Variants in USP9X observed in about 807,000 individuals in gnomAD.
USP9X encodes ubiquitin specific peptidase 9 X-linked.
Under a neutral mutation model 190.3 loss-of-function variants are expected in USP9X, and 7 were observed. The observed-to-expected ratio is 0.04, with a 90% CI of 0.02 to 0.07. USP9X has a LOEUF of 0.07. Among genes scored for constraint, USP9X ranks in the 10% least tolerant of loss-of-function variants. USP9X has a pLI of 1.00. For synonymous variants in USP9X, 645 were observed against 659.5 expected, an observed-to-expected ratio of 0.98 and a Z score of 0.34; for missense variants, 1,010 against 1,916.9, an observed-to-expected ratio of 0.53 and a Z score of 8.83.
chrX:41,130,833 C>G (rs1010610818), intron 3 of USP9X, among the ~76,000 whole-genome samples: 6 of 110,766 alleles, frequency 5.4e-5, no homozygotes, highest in Admixed American at 1.9e-4. Flanking sequence ...TCAAGCGATT[C>G]TCCTGCCTCA....
chrX:41,128,548 C>A (rs1329748678), intron 2 of USP9X, among the ~76,000 whole-genome samples: 1 of 111,969 alleles, frequency 8.9e-6, no homozygotes, highest in African/African-American at 3.2e-5. Flanking sequence ...TAAAAATTTA[C>A]AATGCAGTTG....
chrX:41,117,125 C>T (rs1275349462), intron 1 of USP9X, among the ~76,000 whole-genome samples: 2 of 111,207 alleles, frequency 1.8e-5, no homozygotes, highest in Non-Finnish European at 3.8e-5. Flanking sequence ...GCTAGAAAGG[C>T]GAGACTATAT....
At chrX:41,160,164 C>G (rs17322414) in intron 14 of USP9X, among the ~76,000 whole-genome samples, 15,512 of 109,233 alleles carry the variant, frequency 0.14, 975 homozygotes, top group East Asian at 0.21. Flanking sequence ...GTAATTTAGT[C>G]TCATCTAATT....
intron 34 of USP9X, among the ~76,000 whole-genome samples, chrX:41,215,198 G>A (rs1488672512): frequency 1.8e-5 from 2 of 112,813 alleles, no homozygotes; most frequent in Non-Finnish European, 3.8e-5. Context: ...TATCACCTAT[G>A]TTATAAAACC....
At chrX:41,151,165 G>A in intron 13 of USP9X, 108 bp downstream of exon 13, 1 of 778,889 alleles carries the variant, frequency 1.3e-6, no homozygotes, top group Non-Finnish European at 1.8e-6. Context: ...AGTGGAGTGA[G>A]AAGAGGCTAT....
At chrX:41,177,022 A>G (rs1045386682) in intron 21 of USP9X, among the ~76,000 whole-genome samples, 1 of 112,376 alleles carries the variant, frequency 8.9e-6, no homozygotes, top group Non-Finnish European at 1.9e-5. Context: ...AGTAATTAAC[A>G]GTTTGCCGTA....
At chrX:41,203,078 T>G (rs2063057201) in intron 31 of USP9X, among the ~76,000 whole-genome samples, 1 of 112,335 alleles carries the variant, frequency 8.9e-6, no homozygotes, top group South Asian at 3.6e-4. Context: ...TGAAAGATAG[T>G]TAAATGTAAA....
chrX:41,183,615 CA>C (rs1198382310), intron 21 of USP9X, among the ~76,000 whole-genome samples: 1 of 111,362 alleles, frequency 9.0e-6, no homozygotes, highest in African/African-American at 3.3e-5. Context: ...TATATAGTGT[CA>C]GGGGGCAAAC....
intron 12 of USP9X, among the ~76,000 whole-genome samples, chrX:41,149,906 A>G (rs921729211): frequency 1.8e-5 from 2 of 110,134 alleles, no homozygotes; most frequent in African/African-American, 6.6e-5. Context: ...GGGTTTCACC[A>G]TGTTGGCCAG....
intron 21 of USP9X, among the ~76,000 whole-genome samples, chrX:41,178,730 C>T (rs1225053742): frequency 9.0e-6 from 1 of 111,429 alleles, no homozygotes; most frequent in Non-Finnish European, 1.9e-5. Context: ...TTTCGTTTGT[C>T]TGTTTTTGTG....
intron 44 of USP9X, among the ~76,000 whole-genome samples, chrX:41,231,970 C>T (rs1011383004): frequency 5.4e-5 from 6 of 111,414 alleles, no homozygotes; most frequent in Admixed American, 9.6e-5. Context: ...GGTTACTGCT[C>T]CTATATATCT....
chrX:41,204,333 C>CT (rs1482873809), intron 31 of USP9X, among the ~76,000 whole-genome samples: 2 of 110,854 alleles, frequency 1.8e-5, no homozygotes, highest in Non-Finnish European at 3.8e-5. Context: ...TTTGCAGATA[C>CT]TTTCTTTTGT....
At chrX:41,186,205 T>C (rs752366406) in intron 23 of USP9X, among the ~76,000 whole-genome samples, 11 of 111,469 alleles carry the variant, frequency 9.9e-5, no homozygotes, top group Non-Finnish European at 1.7e-4. Flanking sequence ...TACAATACTT[T>C]ACTGAGTCTC....
chrX:41,197,630 TAAG>T (rs1221843411), intron 29 of USP9X, 120 bp downstream of exon 29: 4 of 596,097 alleles, frequency 6.7e-6, no homozygotes, highest in Non-Finnish European at 9.4e-6. Context: ...TTCTCTTTTT[TAAG>T]AATCTTTATC....
Position 41,216,245 on chromosome X carries a change from A to G in USP9X, c.5678A>G (p.Glu1893Gly). Residue 1893 changes from glutamate (E) to glycine (G), a missense_variant, in exon 35 of 45, where the codon GAG becomes GGG. Glu to Gly is a moderately conservative substitution (Grantham distance 98). Coordinates refer to ENST00000378308, the MANE Select transcript of USP9X (RefSeq NM_001039591.3). Reference protein sequence around the residue: ...YIIQRNGGDGERNRWYKFDDG... With the variant: ...YIIQRNGGDGGRNRWYKFDDG... ...ATCCAAAGGAATGGTGGAGATGGTG[A>G]GAGAAATCGCTGGTATAAATTTGAT... 3.3e-6 allele frequency: 4 copies of G among 1,211,615 alleles called. No individual in the cohort carries two copies. Among genetic ancestry groups the G allele is most frequent in the Non-Finnish European group, 4.5e-6 (4 of 895,530 alleles).
chrX:41,215,854 TGG>T, intron 34 of USP9X, 43 bp from the exon 35 acceptor site: 1 of 1,122,355 alleles, frequency 8.9e-7, no homozygotes, highest in Non-Finnish European at 1.2e-6. Flanking sequence ...TTTTTTCCTG[TGG>T]ATTTTAATAG....
At chrX:41,097,978 C>G (rs779058597) in intron 1 of USP9X, among the ~76,000 whole-genome samples, 1 of 111,278 alleles carries the variant, frequency 9.0e-6, no homozygotes, top group African/African-American at 3.3e-5. Context: ...ATATAACTTA[C>G]AGTAAAATGC....
chrX:41,091,553 C>A (rs983544413), intron 1 of USP9X, among the ~76,000 whole-genome samples: 1 of 112,382 alleles, frequency 8.9e-6, no homozygotes, highest in Admixed American at 9.4e-5. Flanking sequence ...TAGAAAGTGC[C>A]TGGCATATAG....
In USP9X at chrX:41,123,740, T is replaced by TA. The variant is rs1203426858; in HGVS notation, c.96+17dup. On this transcript the variant is annotated intron_variant, in intron 2 of 44. Transcript: ENST00000378308. Reference sequence around the variant, plus strand: ...ACAGAATCAGGTAGGATGTTGAAGATACTAGTTAAAGCTACAGTGGGGCTG... The same window carrying TA: ...ACAGAATCAGGTAGGATGTTGAAGATAACTAGTTAAAGCTACAGTGGGGCTG... 2 of 1,196,885 alleles carry TA rather than the reference T, an allele frequency of 1.7e-6. No individual in the cohort carries two copies. The highest frequency in any genetic ancestry group is 4.4e-5 in the Admixed American group (2 of 45,300).
Sources: allele counts gnomAD v4.1 joint callset (sites outside exome capture counted in the v4.1 genomes callset), GRCh38; gene constraint gnomAD v4.1.1; transcripts MANE v1.5; gene names NCBI Gene and HGNC (gene_info 2026-07-23, HGNC 2026-07-21).